The following ARHGAP22 variants were observed in gnomAD, a reference collection of about 807,000 sequenced individuals.
The protein encoded by ARHGAP22 is rho GTPase-activating protein 22.
In ARHGAP22, 48 loss-of-function variants were observed where a neutral mutation model predicts 59.1. The observed-to-expected ratio is 0.81, with a 90% CI of 0.64 to 1.03. ARHGAP22 has a LOEUF of 1.03. Ranked by LOEUF, ARHGAP22 falls within the 50% of genes least tolerant of loss-of-function variation. The pLI is 0.00. For synonymous variants in ARHGAP22, 445 were observed against 416.4 expected, an observed-to-expected ratio of 1.07 and a Z score of -0.84; for missense variants, 1,015 against 958.7, an observed-to-expected ratio of 1.06 and a Z score of -0.78.
rs144068475 is a variant in ARHGAP22 at position 48,574,588 on chromosome 10, G to A, written c.234+8365C>T. On this transcript the variant is annotated intron_variant, in intron 2 of 9. Coordinates refer to ENST00000249601, the MANE Select transcript of ARHGAP22 (RefSeq NM_021226.4). ...AGTGAAGGGCATCTGACACAGGGGC[G>A]GTCCTGTGAGCTGTGAGCACAAGAT... is the stretch of plus-strand genomic sequence containing the variant. 1,433 of 152,308 alleles carry A rather than the reference G, an allele frequency of 9.4e-3. 10 individuals are homozygous for A. The highest frequency in any genetic ancestry group is 0.013 in the Non-Finnish European group (916 of 68,038). 9.4% of individuals were successfully genotyped at this position (152,308 alleles called of 1,614,324 possible).
At chr10:48,540,470 A>G (rs1231691603) in intron 3 of ARHGAP22, among the ~76,000 whole-genome samples, 1 of 152,120 alleles carries the variant, frequency 6.6e-6, no homozygotes, top group Non-Finnish European at 1.5e-5. Flanking sequence ...ACCTCAAGTG[A>G]TCCTCCCGCC....
intron 2 of ARHGAP22, chr10:48,582,715 T>A: frequency 1.7e-6 from 1 of 574,032 alleles, no homozygotes; most frequent in Non-Finnish European, 3.1e-6. Flanking sequence ...AAGGACATTC[T>A]CTATCAACAT....
intron 1 of ARHGAP22, among the ~76,000 whole-genome samples, chr10:48,633,313 G>A (rs1243287075): frequency 6.6e-6 from 1 of 152,216 alleles, no homozygotes; most frequent in Admixed American, 6.5e-5. Flanking sequence ...CTGCATGCTG[G>A]AGAAGTAAAA....
rs79207256 is a variant in ARHGAP22 at position 48,511,951 on chromosome 10, T to C, written c.323-32187A>G. Among the ~76,000 whole-genome samples, 1,302 of 152,250 alleles carry C rather than the reference T, an allele frequency of 8.6e-3. 18 individuals carry two copies. Among genetic ancestry groups the C allele is most frequent in the African/African-American group, 0.03 (1,249 of 41,552 alleles). On this transcript the variant is annotated intron_variant, in intron 3 of 9. Coordinates refer to ENST00000249601, the MANE Select transcript of ARHGAP22 (RefSeq NM_021226.4). ...CACCTCCCCCAATTAGCCCCCAGTC[T>C]CAACAACAGCCTGAGCAGACTTAGT...
chr10:48,513,950 A>C (rs1054902527), intron 3 of ARHGAP22, among the ~76,000 whole-genome samples: 1 of 152,206 alleles, frequency 6.6e-6, no homozygotes, highest in African/African-American at 2.4e-5. Context: ...TCAATAAAGA[A>C]ATAAAAATTA....
chr10:48,560,684 C>T (rs553301954), intron 2 of ARHGAP22, among the ~76,000 whole-genome samples: 8 of 152,130 alleles, frequency 5.3e-5, no homozygotes, highest in African/African-American at 1.4e-4. Context: ...CTTTGTATGC[C>T]TGGTTTGTTG....
chr10:48,605,320 G>T (rs536392646), upstream of ARHGAP22, among the ~76,000 whole-genome samples: 609 of 148,970 alleles, frequency 4.1e-3, 3 homozygotes, highest in African/African-American at 0.014. Flanking sequence ...TTGGTGAGAA[G>T]GTAGCCGAGA....
intron 8 of ARHGAP22, among the ~76,000 whole-genome samples, chr10:48,452,622 G>C (rs2046089482): frequency 6.6e-6 from 1 of 152,204 alleles, no homozygotes; most frequent in African/African-American, 2.4e-5. Context: ...TACTCCACTG[G>C]GGACAGTGTT....
chr10:48,442,807 G>A (rs1341274151), downstream of ARHGAP22, among the ~76,000 whole-genome samples: 1 of 152,042 alleles, frequency 6.6e-6, no homozygotes, highest in Non-Finnish European at 1.5e-5. Context: ...AGGCATTTTG[G>A]GCCAGCTGCT....
At chr10:48,564,855 C>T (rs928073221) in intron 2 of ARHGAP22, among the ~76,000 whole-genome samples, 38 of 152,248 alleles carry the variant, frequency 2.5e-4, no homozygotes, top group African/African-American at 9.2e-4. Flanking sequence ...CACATCCCTG[C>T]CTGCAGGAAG....
chr10:48,484,887 T>G (rs1477158232), intron 3 of ARHGAP22, among the ~76,000 whole-genome samples: 8 of 152,254 alleles, frequency 5.3e-5, no homozygotes, highest in Non-Finnish European at 1.0e-4. Context: ...GGATTACCAA[T>G]TTTATTGATC....
chr10:48,459,778 T>C lies in ARHGAP22; in HGVS notation c.565A>G (p.Thr189Ala), dbSNP rs535624070. The change falls in exon 5 of 10, where the codon ACT becomes GCT. Residue 189 changes from threonine to alanine, a missense_variant. Transcript: ENST00000249601. ...GGCATGCGGAACAGCCCCTCCTCAGTGAGCCCGCGCTCCCGGATGAAGTCC... is the reference window on the plus strand; with the variant it reads ...GGCATGCGGAACAGCCCCTCCTCAGCGAGCCCGCGCTCCCGGATGAAGTCC... The part of the protein sequence containing the change: ...CVDFIRERGL[T>A]EEGLFRMPGQ... 1.8e-5 allele frequency: 29 copies of C among 1,613,844 alleles called. No homozygotes were observed. The highest frequency in any genetic ancestry group is 6.7e-5 in the East Asian group (3 of 44,888).
chr10:48,514,042 G>C (rs77570133), intron 3 of ARHGAP22, among the ~76,000 whole-genome samples: 7,140 of 152,090 alleles, frequency 0.047, 562 homozygotes, highest in African/African-American at 0.16. Context: ...TCTAACAGCA[G>C]ATTTGAGCTT....
At chr10:48,504,584 G>A (rs934048310) in intron 3 of ARHGAP22, among the ~76,000 whole-genome samples, 2 of 152,178 alleles carry the variant, frequency 1.3e-5, no homozygotes, top group Non-Finnish European at 2.9e-5. Context: ...GCACAGATCT[G>A]GTCTGGGCAC....
At chr10:48,649,966 C>T (rs1183003499) in intron 1 of ARHGAP22, among the ~76,000 whole-genome samples, 1 of 147,078 alleles carries the variant, frequency 6.8e-6, no homozygotes, top group African/African-American at 2.5e-5. Flanking sequence ...CAATAATCTC[C>T]ATTAGCTGAG....
chr10:48,524,420 C>G (rs945374573), intron 3 of ARHGAP22, among the ~76,000 whole-genome samples: 9 of 151,914 alleles, frequency 5.9e-5, no homozygotes, highest in Admixed American at 1.3e-4. Flanking sequence ...CCCCACGGCC[C>G]GTTACTCTCC....
chr10:48,611,811 C>CCCTTCCCTTCCCTTT (rs2060897466), intron 1 of ARHGAP22, among the ~76,000 whole-genome samples: 1 of 5,302 alleles, frequency 1.9e-4, no homozygotes, highest in South Asian at 0.013. Flanking sequence ...CCCTTCTCTT[C>CCCTTCCCTTCCCTTT]CCTTCCCTTC....
At chr10:48,484,351 T>G (rs963321388) in intron 3 of ARHGAP22, among the ~76,000 whole-genome samples, 2 of 152,272 alleles carry the variant, frequency 1.3e-5, no homozygotes, top group South Asian at 4.1e-4. Flanking sequence ...AAATCCCGCT[T>G]GGTAATGATG....
In ARHGAP22 at chr10:48,582,950, C is replaced by A; in HGVS notation, c.234+3G>T. The A allele has an allele frequency of 6.2e-7, 1 of 1,614,198 alleles. No individual in the cohort carries two copies. Among genetic ancestry groups the A allele is most frequent in the Non-Finnish European group, 8.5e-7 (1 of 1,180,012 alleles). On this transcript the variant is annotated splice_donor_region_variant and intron_variant, in intron 2 of 9. Transcript: ENST00000249601. Reference sequence around the variant, plus strand: ...CACGGCACACCGGACATGCACTTCTCACCTGGGGCTTGATCTCATCTTTGT... The same window carrying A: ...CACGGCACACCGGACATGCACTTCTAACCTGGGGCTTGATCTCATCTTTGT...
Sources: allele counts gnomAD v4.1 joint callset (sites outside exome capture counted in the v4.1 genomes callset), GRCh38; gene constraint gnomAD v4.1.1; transcripts MANE v1.5; gene names NCBI Gene and HGNC (gene_info 2026-07-23, HGNC 2026-07-21).